TNR: variants seen among roughly 807,000 people sequenced by gnomAD.
The protein encoded by TNR is tenascin R, also known as tenascin-R.
Under a neutral mutation model 150.4 loss-of-function variants are expected in TNR, and 45 were observed. That is an observed-to-expected ratio of 0.30 (90% CI 0.24 to 0.38). The LOEUF is 0.38. TNR is among the 10% of genes least tolerant of loss of function. The pLI, the probability that TNR is intolerant of heterozygous loss-of-function variation, is 1.00. For synonymous variants in TNR, 687 were observed against 678.4 expected (o/e 1.01, Z -0.20); for missense variants, 1,544 against 1,759.1 (o/e 0.88, Z 2.19).
intron 4 of TNR, among the ~76,000 whole-genome samples, chr1:175,400,995 A>T (rs1653681135): frequency 6.6e-6 from 1 of 152,200 alleles, no homozygotes; most frequent in Non-Finnish European, 1.5e-5. Flanking sequence ...GAGATTATGC[A>T]ACTGTCCTTC....
At chr1:175,470,618 T>G (rs1461389735) in intron 2 of TNR, among the ~76,000 whole-genome samples, 3 of 152,232 alleles carry the variant, frequency 2.0e-5, no homozygotes, top group African/African-American at 7.2e-5. Flanking sequence ...GAATGGGGTA[T>G]CTATCCCTTC....
chr1:175,482,930 C>T (rs1557961231), intron 2 of TNR, among the ~76,000 whole-genome samples: 1 of 152,124 alleles, frequency 6.6e-6, no homozygotes, highest in Admixed American at 6.5e-5. Flanking sequence ...GGTGGGCGCT[C>T]CTGGGGAAGT....
chr1:175,678,237 TG>T (rs796730869), intron 1 of TNR, among the ~76,000 whole-genome samples: 137 of 152,258 alleles, frequency 9.0e-4, no homozygotes, highest in African/African-American at 3.2e-3. Context: ...GAAGGTGGGC[TG>T]GGGTGGAATG....
intron 1 of TNR, among the ~76,000 whole-genome samples, chr1:175,702,802 C>T (rs2101928357): frequency 6.6e-6 from 1 of 152,292 alleles, no homozygotes; most frequent in African/African-American, 2.4e-5. Flanking sequence ...TGTTCTGGAT[C>T]AATACCAAAT....
intron 1 of TNR, among the ~76,000 whole-genome samples, chr1:175,741,619 G>C (rs897103792): frequency 1.3e-5 from 2 of 152,162 alleles, no homozygotes; most frequent in Admixed American, 1.3e-4. Context: ...TGACTTCACT[G>C]TCTTCCTGGA....
At position 175,602,203 on chromosome 1, in the gene TNR, C is replaced by CAA. The variant is rs57341654; in HGVS notation, c.-164-73836_-164-73835dup. 8.6e-3 allele frequency among the ~76,000 whole-genome samples: 263 copies of CAA among 30,558 alleles called. 29 individuals are homozygous for CAA. The highest frequency in any genetic ancestry group is 0.017 in the East Asian group (16 of 920). 20.0% of individuals were successfully genotyped at this position (30,558 alleles called of 152,430 possible). On this transcript the variant is annotated intron_variant, in intron 1 of 22. Coordinates refer to ENST00000367674, the MANE Select transcript of TNR (RefSeq NM_003285.3). ...CTGACTCTAATCCAAGGACCAAAGG[C>CAA]AAAAAAAAAAAAAAAAAAAAAAAAA...
chr1:175,363,081 C>T (rs1651676861), intron 13 of TNR, among the ~76,000 whole-genome samples: 1 of 152,248 alleles, frequency 6.6e-6, no homozygotes, highest in South Asian at 2.1e-4. Flanking sequence ...AAGACAATGA[C>T]ATTAAGGCAG....
At chr1:175,613,490 A>G (rs1663665074) in intron 1 of TNR, among the ~76,000 whole-genome samples, 1 of 135,256 alleles carries the variant, frequency 7.4e-6, no homozygotes, top group African/African-American at 2.8e-5. Context: ...GTTTATCAGC[A>G]TTCCCTGCCT....
intron 2 of TNR, among the ~76,000 whole-genome samples, chr1:175,460,034 C>T (rs903283627): frequency 2.0e-5 from 3 of 152,148 alleles, no homozygotes; most frequent in Non-Finnish European, 4.4e-5. Flanking sequence ...CAGACGGTGA[C>T]TGACTGGTGC....
intron 1 of TNR, among the ~76,000 whole-genome samples, chr1:175,594,838 C>T (rs550943559): frequency 2.8e-4 from 37 of 133,410 alleles, no homozygotes; most frequent in African/African-American, 1.1e-3. Context: ...GCCTGGGCAA[C>T]AGAGTGAGAC....
Position 175,435,799 on chromosome 1 carries a change from T to C in TNR, c.-63-29022A>G, listed in dbSNP as rs373242696. 2.6e-5 allele frequency among the ~76,000 whole-genome samples: 4 copies of C among 152,360 alleles called. No homozygotes were observed. The East Asian group carries it at 5.8e-4, about 22-fold the overall frequency. On this transcript the variant is annotated intron_variant, in intron 2 of 22. Transcript: ENST00000367674. ...ACCGGTTGTTCCTTTCCATGTTTAG[T>C]GCTTCCTTTAGGAGCTCTTTTAGGG...
At chr1:175,424,217 A>G (rs115770775) in intron 2 of TNR, among the ~76,000 whole-genome samples, 1,955 of 152,304 alleles carry the variant, frequency 0.013, 43 homozygotes, top group African/African-American at 0.043. Context: ...GCACTGCCCA[A>G]TGACTGTGCC....
chr1:175,455,041 C>T (rs1441275122), intron 2 of TNR, among the ~76,000 whole-genome samples: 1 of 152,146 alleles, frequency 6.6e-6, no homozygotes, highest in East Asian at 1.9e-4. Flanking sequence ...TCCTTGTTCT[C>T]AGGAATGCTG....
chr1:175,348,613 A>G (rs1383561515), intron 18 of TNR, among the ~76,000 whole-genome samples: 1 of 152,194 alleles, frequency 6.6e-6, no homozygotes, highest in Non-Finnish European at 1.5e-5. Context: ...TCAGAGGTCA[A>G]ACAGAGATCC....
rs55795922 is a variant in TNR at position 175,370,338 on chromosome 1, C to CTTTTTTTTTTTTTTTTT, written c.1964-3058_1964-3042dup. Among the ~76,000 whole-genome samples, 117 of 42,976 alleles carry CTTTTTTTTTTTTTTTTT rather than the reference C, an allele frequency of 2.7e-3. 15 individuals carry two copies. Among genetic ancestry groups the CTTTTTTTTTTTTTTTTT allele is most frequent in the African/African-American group, 9.2e-3 (109 of 11,806 alleles). 28.2% of individuals were successfully genotyped at this position (42,976 alleles called of 152,430 possible). A position where few individuals can be genotyped will look rare whatever the true frequency, so the allele number is the denominator to read the frequency against. ...GAGAACTATTCCTGGATTTTGAGTA[C>CTTTTTTTTTTTTTTTTT]TTTTTTTTTTTTTTTTTTTTTTTTT... On this transcript the variant is annotated intron_variant, in intron 9 of 22. Coordinates refer to ENST00000367674, the MANE Select transcript of TNR (RefSeq NM_003285.3).
intron 21 of TNR, among the ~76,000 whole-genome samples, chr1:175,329,148 G>T (rs1439292811): frequency 6.6e-6 from 1 of 152,186 alleles, no homozygotes; most frequent in African/African-American, 2.4e-5. Flanking sequence ...GCAGTAACTG[G>T]AAGGACAACA....
intron 1 of TNR, among the ~76,000 whole-genome samples, chr1:175,723,286 G>A (rs933469837): frequency 6.6e-6 from 1 of 152,150 alleles, no homozygotes; most frequent in Non-Finnish European, 1.5e-5. Flanking sequence ...CACAGTGGAT[G>A]CCCTAATGCC....
At chr1:175,691,990 T>C (rs1029943836) in intron 1 of TNR, among the ~76,000 whole-genome samples, 1 of 152,196 alleles carries the variant, frequency 6.6e-6, no homozygotes. Context: ...TTATTTCATA[T>C]ATAATTAATT....
At chr1:175,618,087 T>C (rs1405545582) in intron 1 of TNR, among the ~76,000 whole-genome samples, 1 of 152,242 alleles carries the variant, frequency 6.6e-6, no homozygotes, top group Non-Finnish European at 1.5e-5. Flanking sequence ...CAACATTCCT[T>C]ATGATAACTA....
Sources: gnomAD v4.1 joint callset for allele counts (sites outside exome capture counted in the v4.1 genomes callset) on GRCh38, gnomAD v4.1.1 for gene constraint, MANE v1.5 for transcripts, NCBI Gene and HGNC (gene_info 2026-07-23, HGNC 2026-07-21) for gene names.